TAF4: variants seen among roughly 807,000 people sequenced by gnomAD.
TAF4 encodes the protein TATA-box binding protein associated factor 4.
TAF4 carries 9 observed loss-of-function variants against 90.3 expected under a neutral mutation model. The ratio of observed to expected loss-of-function variants is 0.10; its 90% CI spans 0.06 to 0.17. TAF4 has a LOEUF of 0.17. Among genes scored for constraint, TAF4 ranks in the 10% least tolerant of loss-of-function variants. The pLI is 1.00. For missense variants in TAF4, 1,351 were observed against 1,370.7 expected (o/e 0.99, Z 0.23); for synonymous variants, 818 against 638.9 (o/e 1.28, Z -4.23).
At chr20:62,045,708 T>C (rs1325964879) in intron 1 of TAF4, among the ~76,000 whole-genome samples, 1 of 152,218 alleles carries the variant, frequency 6.6e-6, no homozygotes, top group Non-Finnish European at 1.5e-5. Context: ...CACCTGCTCC[T>C]GGAAAGGGTG....
intron 1 of TAF4, among the ~76,000 whole-genome samples, chr20:62,056,530 C>T (rs744779): frequency 0.16 from 23,686 of 152,174 alleles, 2,408 homozygotes; most frequent in Middle Eastern, 0.26. Flanking sequence ...GGCCACTTGT[C>T]GCCATCAGCA....
intron 1 of TAF4, among the ~76,000 whole-genome samples, chr20:62,056,222 G>C (rs570098357): frequency 5.8e-4 from 88 of 152,246 alleles, no homozygotes; most frequent in African/African-American, 2.0e-3. Flanking sequence ...GGGTGATGGA[G>C]TGAGACTCTG....
intron 1 of TAF4, among the ~76,000 whole-genome samples, chr20:62,052,527 C>T (rs1415528106): frequency 4.6e-5 from 7 of 151,436 alleles, no homozygotes; most frequent in Non-Finnish European, 8.8e-5. Flanking sequence ...CAGCCCCAGC[C>T]CGTGTGTGCC....
intron 1 of TAF4, among the ~76,000 whole-genome samples, chr20:62,043,824 G>A (rs1285045968): frequency 6.6e-6 from 1 of 152,196 alleles, no homozygotes; most frequent in African/African-American, 2.4e-5. Context: ...GCACAACGAT[G>A]ACATTGCCTA....
intron 9 of TAF4, among the ~76,000 whole-genome samples, chr20:62,002,065 A>G (rs957468042): frequency 6.6e-6 from 1 of 152,198 alleles, no homozygotes; most frequent in African/African-American, 2.4e-5. Flanking sequence ...GCCAGCCCAC[A>G]GGGGTCACTC....
rs1400067373 is a variant in TAF4, at chr20:61,998,175, T to C, written c.2931A>G (p.Glu977=). The change falls in exon 13 of 15, where the codon GAA becomes GAG. Residue 977 remains glutamate, a synonymous_variant. Transcript: ENST00000252996. The stretch of plus-strand genomic sequence containing the variant: ...GTTTCAGCCTTAACTGTTCTGGATC[T>C]TCTTGTCTTGACCGAGACTATTTTT... ...MRAAKSRSRQ[E]DPEQLRLKQK... 1.2e-6 allele frequency: 2 copies of C among 1,613,798 alleles called. No individual in the cohort carries two copies. The highest frequency in any genetic ancestry group is 4.5e-5 in the East Asian group (2 of 44,904).
chr20:62,026,495 C>G (rs772821424), intron 1 of TAF4, among the ~76,000 whole-genome samples: 23 of 152,216 alleles, frequency 1.5e-4, no homozygotes, highest in Non-Finnish European at 3.2e-4. Flanking sequence ...GAAAAGGGAT[C>G]CCCCAAAATG....
intron 1 of TAF4, among the ~76,000 whole-genome samples, chr20:62,057,542 C>T (rs1237781088): frequency 1.3e-5 from 2 of 152,252 alleles, no homozygotes; most frequent in African/African-American, 4.8e-5. Context: ...GATCAAGATG[C>T]CACGTGTGCC....
At chr20:62,008,862 A>C (rs542730690) in intron 5 of TAF4, 190 bp downstream of exon 5, 2 of 651,242 alleles carry the variant, frequency 3.1e-6, no homozygotes, top group Non-Finnish European at 4.6e-6. Context: ...ACCCAGCCCC[A>C]GGAAGGAGTC....
At chr20:61,986,817 G>A (rs963289862) in intron 14 of TAF4, among the ~76,000 whole-genome samples, 3 of 152,236 alleles carry the variant, frequency 2.0e-5, no homozygotes, top group African/African-American at 4.8e-5. Flanking sequence ...GAAAAATAAG[G>A]GAGACGGGGC....
chr20:62,050,629 A>G (rs2056021484), intron 1 of TAF4, among the ~76,000 whole-genome samples: 1 of 152,154 alleles, frequency 6.6e-6, no homozygotes, highest in South Asian at 2.1e-4. Context: ...CAATAAACCC[A>G]GTGCAGGCTC....
chr20:62,040,668 A>G (rs1410237515), intron 1 of TAF4, among the ~76,000 whole-genome samples: 2 of 152,262 alleles, frequency 1.3e-5, no homozygotes, highest in East Asian at 3.8e-4. Flanking sequence ...TAGAATAGGC[A>G]AAACAGAAAA....
intron 1 of TAF4, among the ~76,000 whole-genome samples, chr20:62,048,163 C>T (rs1372150182): frequency 1.3e-5 from 2 of 152,228 alleles, no homozygotes; most frequent in East Asian, 3.9e-4. Context: ...TGCGACATAC[C>T]TAGCACCTTC....
At chr20:62,042,396 C>G (rs2055968600) in intron 1 of TAF4, among the ~76,000 whole-genome samples, 1 of 152,240 alleles carries the variant, frequency 6.6e-6, no homozygotes, top group African/African-American at 2.4e-5. Flanking sequence ...GTCCGTGTGA[C>G]CTGATTCTTC....
chr20:61,999,237 C>T lies in TAF4; in HGVS notation c.2788-129G>A, dbSNP rs563466969. 5.1e-5 allele frequency: 60 copies of T among 1,187,016 alleles called. No individual in the cohort carries two copies. The East Asian group carries it at 1.2e-3, about 23-fold the overall frequency. The allele number at this position is 1,187,016 out of a possible 1,614,324, so 73.5% of individuals were successfully genotyped here. On this transcript the variant is annotated intron_variant, in intron 11 of 14. Coordinates refer to ENST00000252996, the MANE Select transcript of TAF4 (RefSeq NM_003185.4). ...GTCCAGTCTGAATGCGGCGAGGACC[C>T]GATCCCTCCCACCCTGCAAATGCTG... is the stretch of plus-strand genomic sequence containing the variant.
chr20:62,006,879 G>T lies in TAF4; in HGVS notation c.1975-121C>A. On this transcript the variant is annotated intron_variant, in intron 6 of 14. Transcript: ENST00000252996. The surrounding 1 kb of genome is among the most constrained non-coding windows in gnomAD (Gnocchi z 7.0). ...TTTGAGCTAAGTAAGATGGATCTTGGCCCTCACGGCAGCATGTCTGGATGT... is the reference window on the plus strand; with the variant it reads ...TTTGAGCTAAGTAAGATGGATCTTGTCCCTCACGGCAGCATGTCTGGATGT... 7.7e-7 allele frequency: 1 copy of T among 1,301,486 alleles called. No individual in the cohort carries two copies. The highest frequency in any genetic ancestry group is 9.9e-7 in the Non-Finnish European group (1 of 1,008,892). The allele number at this position is 1,301,486 out of a possible 1,614,324, so 80.6% of individuals were successfully genotyped here.
In TAF4 at chr20:61,998,862, T is replaced by C. The variant is rs1012416916; in HGVS notation, c.2913+121A>G. 2.2e-5 allele frequency: 29 copies of C among 1,326,932 alleles called. No homozygotes were observed. In the African/African-American group the frequency reaches 4.1e-4, roughly 19 times the overall value. 82.2% of individuals were successfully genotyped at this position (1,326,932 alleles called of 1,614,324 possible). ...CTCCACTGACAGCACCCATCACCTT[T>C]GCTTCAAGGCCAGCCCAAAACATGC... On this transcript the variant is annotated intron_variant, in intron 12 of 14. Transcript: ENST00000252996.
intron 4 of TAF4, among the ~76,000 whole-genome samples, 191 bp from the exon 5 acceptor site, chr20:62,009,365 C>T (rs944214380): frequency 6.6e-6 from 1 of 152,204 alleles, no homozygotes; most frequent in Non-Finnish European, 1.5e-5. Context: ...ACATGGCCAC[C>T]GAAGTCAGCA....
At chr20:62,023,796 C>G (rs547412599) in intron 1 of TAF4, among the ~76,000 whole-genome samples, 1 of 150,190 alleles carries the variant, frequency 6.7e-6, no homozygotes, top group Admixed American at 6.6e-5. Context: ...AAAGAAAGCT[C>G]CAGTAATCTC....
Sources: allele counts gnomAD v4.1 joint callset (sites outside exome capture counted in the v4.1 genomes callset), GRCh38; gene constraint gnomAD v4.1.1; non-coding constraint Gnocchi (gnomAD v3.1); transcripts MANE v1.5; gene names NCBI Gene and HGNC (gene_info 2026-07-23, HGNC 2026-07-21).